Variants in ROBO2 observed in about 807,000 individuals in gnomAD.
The protein encoded by ROBO2 is roundabout homolog 2.
ROBO2 carries 53 observed loss-of-function variants against 160.8 expected under a neutral mutation model. The ratio of observed to expected loss-of-function variants is 0.33; its 90% CI spans 0.26 to 0.41. The LOEUF (loss-of-function observed/expected upper bound fraction) is 0.41, where lower values mean the gene tolerates loss of function less well. ROBO2 is among the 10% of genes least tolerant of loss of function. The pLI, the probability that ROBO2 is intolerant of heterozygous loss-of-function variation, is 1.00. For missense variants in ROBO2, 1,577 were observed against 1,722.4 expected (o/e 0.92, Z 1.49); for synonymous variants, 664 against 611.7 (o/e 1.09, Z -1.26).
intron 2 of ROBO2, among the ~76,000 whole-genome samples, chr3:77,468,574 C>G (rs1308225712): frequency 6.6e-6 from 1 of 152,088 alleles, no homozygotes; most frequent in Non-Finnish European, 1.5e-5. Flanking sequence ...TGGGTGAGGA[C>G]AGAACACGGC....
chr3:77,549,419 A>AT (rs2092829661), intron 7 of ROBO2, among the ~76,000 whole-genome samples: 1 of 152,008 alleles, frequency 6.6e-6, no homozygotes, highest in African/African-American at 2.4e-5. Context: ...CTACAGTAGA[A>AT]TCAGCTGATT....
In ROBO2 at chr3:76,248,192, G is replaced by A. The variant is rs918933288; in HGVS notation, c.109+310590G>A. On this transcript the variant is annotated intron_variant, in intron 2 of 26. Transcript: ENST00000487694. The stretch of plus-strand genomic sequence containing the variant: ...TGCTGCTATAAAGACACATGCGCAC[G>A]TATGTTTATTGCGGCATTATTCACA... 3.9e-4 allele frequency among the ~76,000 whole-genome samples: 60 copies of A among 151,988 alleles called. 1 individual carries two copies. The highest frequency in any genetic ancestry group is 8.7e-4 in the African/African-American group (36 of 41,380).
intron 2 of ROBO2, among the ~76,000 whole-genome samples, chr3:77,188,130 C>A (rs953526045): frequency 6.6e-6 from 1 of 151,708 alleles, no homozygotes; most frequent in Non-Finnish European, 1.5e-5. Flanking sequence ...TATGTGGATT[C>A]TTCTTCTGAA....
intron 2 of ROBO2, among the ~76,000 whole-genome samples, chr3:76,361,710 T>G (rs993568233): frequency 3.9e-5 from 6 of 152,076 alleles, no homozygotes; most frequent in African/African-American, 1.4e-4. Context: ...GGAGCCCAAC[T>G]CCTAAACTAG....
chr3:77,448,161 T>C (rs543532294), intron 2 of ROBO2, among the ~76,000 whole-genome samples: 1 of 152,248 alleles, frequency 6.6e-6, no homozygotes, highest in East Asian at 1.9e-4. Context: ...TGCAGTGGCA[T>C]TGATGGGCTG....
rs535626062 is a variant in ROBO2, at chr3:77,524,519, T to C, written c.934+1617T>C. On this transcript the variant is annotated intron_variant, in intron 6 of 25. Transcript: ENST00000461745. ...AAACAACCAACCAATAAATGCTCCA[T>C]CCGAAAAATATTTGCTGACTAAACA... Among the ~76,000 whole-genome samples the C allele has an allele frequency of 7.3e-5, 11 of 151,446 alleles. No homozygotes were observed. The East Asian group carries it at 2.1e-3, about 30-fold the overall frequency.
intron 2 of ROBO2, among the ~76,000 whole-genome samples, chr3:77,474,691 C>CACACACAT (rs1553973682): frequency 0.016 from 2,403 of 150,832 alleles, 28 homozygotes; most frequent in African/African-American, 0.033. Flanking sequence ...CACACACACA[C>CACACACAT]TCAATTTAGA....
intron 2 of ROBO2, among the ~76,000 whole-genome samples, chr3:76,146,567 A>T (rs960279221): frequency 2.0e-5 from 3 of 151,802 alleles, no homozygotes; most frequent in Admixed American, 2.0e-4. Flanking sequence ...CTTAAAGTCA[A>T]TTTATTGGAG....
At chr3:76,413,890 C>T (rs2075620771) in intron 2 of ROBO2, among the ~76,000 whole-genome samples, 1 of 151,896 alleles carries the variant, frequency 6.6e-6, no homozygotes, top group African/African-American at 2.4e-5. Context: ...TACTGTATTA[C>T]TCCATTTTCA....
intron 2 of ROBO2, among the ~76,000 whole-genome samples, chr3:76,330,082 A>T (rs1286692463): frequency 6.6e-6 from 1 of 152,212 alleles, no homozygotes; most frequent in Non-Finnish European, 1.5e-5. Flanking sequence ...TTGAAAGGTG[A>T]TTATAAAATA....
At chr3:76,016,334 G>T (rs2066403736) in intron 2 of ROBO2, among the ~76,000 whole-genome samples, 1 of 151,438 alleles carries the variant, frequency 6.6e-6, no homozygotes, top group African/African-American at 2.4e-5. Context: ...AATTAAACTT[G>T]ATATTTAAAG....
intron 1 of ROBO2, among the ~76,000 whole-genome samples, chr3:75,915,057 G>A (rs1177514649): frequency 6.6e-6 from 1 of 152,102 alleles, no homozygotes; most frequent in Admixed American, 6.6e-5. Context: ...TTCTCTTGTC[G>A]CTTGTGCAAC....
chr3:76,577,916 A>AT (rs1491424457), intron 2 of ROBO2, among the ~76,000 whole-genome samples: 3 of 152,122 alleles, frequency 2.0e-5, no homozygotes, highest in Non-Finnish European at 2.9e-5. Context: ...GTCCCTCTAC[A>AT]TATGTTTTAC....
At chr3:76,358,894 G>A (rs989400991) in intron 2 of ROBO2, among the ~76,000 whole-genome samples, 37 of 150,412 alleles carry the variant, frequency 2.5e-4, no homozygotes, top group Non-Finnish European at 4.9e-4. Flanking sequence ...TTAGCATTAG[G>A]TATATCTCCT....
At chr3:77,582,300 C>A (rs1583086595) in intron 16 of ROBO2, among the ~76,000 whole-genome samples, 1 of 152,170 alleles carries the variant, frequency 6.6e-6, no homozygotes, top group South Asian at 2.1e-4. Flanking sequence ...AGGGTTTCAC[C>A]ATGTTGGCCA....
At chr3:76,686,633 T>C (rs982892609) in intron 2 of ROBO2, among the ~76,000 whole-genome samples, 13 of 151,996 alleles carry the variant, frequency 8.6e-5, no homozygotes, top group Non-Finnish European at 1.5e-4. Context: ...GAATACTAAC[T>C]GAGAGAGAAA....
At chr3:76,467,440 C>T (rs1351703431) in intron 2 of ROBO2, among the ~76,000 whole-genome samples, 1 of 152,020 alleles carries the variant, frequency 6.6e-6, no homozygotes, top group Non-Finnish European at 1.5e-5. Context: ...AGAAATATGG[C>T]AGAAAGAGGT....
intron 2 of ROBO2, among the ~76,000 whole-genome samples, chr3:76,412,680 G>A (rs2075555904): frequency 6.6e-6 from 1 of 152,210 alleles, no homozygotes; most frequent in South Asian, 2.1e-4. Context: ...TCATGCTGAT[G>A]GAAGCGGTGG....
chr3:76,674,269 T>A (rs949630599), intron 2 of ROBO2, among the ~76,000 whole-genome samples: 2 of 152,032 alleles, frequency 1.3e-5, no homozygotes, highest in Non-Finnish European at 2.9e-5. Context: ...AAACAAAATA[T>A]AGAGATATTT....
Sources: allele counts gnomAD v4.1 joint callset (sites outside exome capture counted in the v4.1 genomes callset), GRCh38; gene constraint gnomAD v4.1.1; transcripts MANE v1.5; gene names NCBI Gene and HGNC (gene_info 2026-07-23, HGNC 2026-07-21).